Variants in ZNF730 observed in about 807,000 individuals in gnomAD.
ZNF730 encodes putative zinc finger protein 730.
In ZNF730, 12 loss-of-function variants were observed where a neutral mutation model predicts 12.6. That is an observed-to-expected ratio of 0.95 (90% CI 0.61 to 1.54). The LOEUF is 1.54. Ranked by LOEUF, ZNF730 falls within the 40% of genes most tolerant of loss-of-function variation. The probability of loss-of-function intolerance (pLI) is 0.00; values close to 1 mark genes in which losing one functional copy is unlikely to be tolerated. For synonymous variants in ZNF730, 194 were observed against 195.8 expected, an observed-to-expected ratio of 0.99 and a Z score of 0.08; for missense variants, 643 against 583.5, an observed-to-expected ratio of 1.10 and a Z score of -1.05.
intron 1 of ZNF730, among the ~76,000 whole-genome samples, chr19:23,110,956 C>T (rs148795078): frequency 1.8e-4 from 28 of 152,326 alleles, no homozygotes; most frequent in African/African-American, 6.3e-4. Flanking sequence ...CCTCAGTTTT[C>T]AGTGCTGTGC....
At chr19:23,083,504 T>A (rs1970002985) in intron 1 of ZNF730, among the ~76,000 whole-genome samples, 2 of 152,096 alleles carry the variant, frequency 1.3e-5, no homozygotes, top group African/African-American at 4.8e-5. Context: ...TCGAGGAACC[T>A]CCATACTATT....
chr19:23,091,744 C>T (rs1404513510), intron 1 of ZNF730, among the ~76,000 whole-genome samples: 1 of 152,148 alleles, frequency 6.6e-6, no homozygotes, highest in Admixed American at 6.5e-5. Context: ...AATGCCTGTA[C>T]CCCTATTGTA....
intron 1 of ZNF730, among the ~76,000 whole-genome samples, chr19:23,091,937 C>A (rs1405311195): frequency 3.9e-5 from 6 of 151,988 alleles, no homozygotes; most frequent in African/African-American, 9.7e-5. Flanking sequence ...TTTGGAGGGG[C>A]CAGGGGCAGA....
intron 1 of ZNF730, among the ~76,000 whole-genome samples, chr19:23,079,301 G>T (rs1969923320): frequency 6.6e-6 from 1 of 152,066 alleles, no homozygotes; most frequent in Non-Finnish European, 1.5e-5. Flanking sequence ...AGGATTACAG[G>T]CATGCGCCAC....
chr19:23,081,520 A>G lies in ZNF730; in HGVS notation c.-94+6133A>G, dbSNP rs142315744. 9.0e-3 allele frequency among the ~76,000 whole-genome samples: 1,376 copies of G among 152,088 alleles called. 28 individuals are homozygous for G. Among genetic ancestry groups the G allele is most frequent in the African/African-American group, 0.032 (1,322 of 41,486 alleles). On this transcript the variant is annotated intron_variant, in intron 1 of 2. Transcript: ENST00000593635. ...GTTTTAGTAGAGATGGGGTTTCACC[A>G]TGTTGGCCAGGCTGGTCTCAAATTC...
chr19:23,117,831 A>G (rs900756595), intron 1 of ZNF730, among the ~76,000 whole-genome samples: 1 of 152,218 alleles, frequency 6.6e-6, no homozygotes, highest in Non-Finnish European at 1.5e-5. Context: ...TGTTACGCCT[A>G]AATTTTGTTT....
chr19:23,078,529 A>T (rs769224293), intron 1 of ZNF730, among the ~76,000 whole-genome samples: 35 of 151,952 alleles, frequency 2.3e-4, no homozygotes, highest in Non-Finnish European at 4.6e-4. Flanking sequence ...CCCTCTCCCC[A>T]CTATTACCCT....
Position 23,146,705 on chromosome 19 carries a change from A to C in ZNF730, c.*149A>C, listed in dbSNP as rs559533780. 1 of 1,412,276 alleles carries C rather than the reference A, an allele frequency of 7.1e-7. No homozygotes were observed. The highest frequency in any genetic ancestry group is 1.4e-5 in the African/African-American group (1 of 70,954). The allele number at this position is 1,412,276 out of a possible 1,614,324, so 87.5% of individuals were successfully genotyped here. On this transcript the variant is annotated 3_prime_UTR_variant, in exon 4 of 4. Coordinates refer to ENST00000597761, the MANE Select transcript of ZNF730 (RefSeq NM_001277403.2). ...AATCTTACTAAACATAAGGTAATTC[A>C]TACTGGAGAAAAACCTACAAATGTG... is the stretch of plus-strand genomic sequence containing the variant.
chr19:23,111,204 T>G (rs1970457350), intron 1 of ZNF730, among the ~76,000 whole-genome samples: 1 of 152,234 alleles, frequency 6.6e-6, no homozygotes, highest in South Asian at 2.1e-4. Context: ...CAATTTTTTT[T>G]GTCAAGCATA....
chr19:23,146,233 A>C lies in ZNF730; in HGVS notation c.1189A>C (p.Lys397Gln). Residue 397 changes from lysine (K) to glutamine (Q), a missense_variant, in exon 4 of 4, where the codon AAA becomes CAA. Transcript: ENST00000597761. ...AATTCATACTGTAGAGAAATTTTACAAATGTGAAGAATGTGGCAAAGCCTT... is the reference window on the plus strand; with the variant it reads ...AATTCATACTGTAGAGAAATTTTACCAATGTGAAGAATGTGGCAAAGCCTT... ...KIIHTVEKFY[K>Q]CEECGKAFSR... 1 of 1,613,034 alleles carries C rather than the reference A, an allele frequency of 6.2e-7. No individual in the cohort carries two copies. Among genetic ancestry groups the C allele is most frequent in the Non-Finnish European group, 8.5e-7 (1 of 1,179,404 alleles).
In ZNF730 at chr19:23,117,145, A is replaced by C. The variant is rs1444391552; in HGVS notation, c.-29A>C. The C allele has an allele frequency of 1.9e-6, 3 of 1,613,630 alleles. No homozygotes were observed. In the African/African-American group the frequency reaches 4.0e-5, roughly 22 times the overall value. On this transcript the variant is annotated 5_prime_UTR_variant, in exon 1 of 4. Transcript: ENST00000597761. ...GCGGGTATTGGGAGATCCACAGCTA[A>C]GACGCCAGGGCCCCCTGGAAGCCTA...
At chr19:23,116,861 C>T (rs952076242), upstream of ZNF730, 4 of 326,838 alleles carry the variant, frequency 1.2e-5, no homozygotes, top group African/African-American at 6.5e-5. Context: ...AAGGCTGCAG[C>T]CTACGCTGTC....
chr19:23,094,710 G>GT, intron 1 of ZNF730, among the ~76,000 whole-genome samples: 1 of 152,180 alleles, frequency 6.6e-6, no homozygotes, highest in Non-Finnish European at 1.5e-5. Flanking sequence ...CTGACCTCAG[G>GT]TGATCCACCC....
At chr19:23,136,147 G>T in intron 3 of ZNF730, 104 bp downstream of exon 3, 2 of 794,116 alleles carry the variant, frequency 2.5e-6, no homozygotes, top group Admixed American at 3.9e-5. Flanking sequence ...GTTTTACAAA[G>T]GAAATAGTTT....
intron 1 of ZNF730, among the ~76,000 whole-genome samples, chr19:23,087,213 G>A (rs1407576071): frequency 1.3e-5 from 2 of 152,118 alleles, no homozygotes; most frequent in Admixed American, 6.6e-5. Flanking sequence ...TTCGAGACCA[G>A]CCTGGCCAAC....
At chr19:23,132,174 C>T (rs1970751728) in intron 1 of ZNF730, among the ~76,000 whole-genome samples, 2 of 151,574 alleles carry the variant, frequency 1.3e-5, no homozygotes. Flanking sequence ...CTGTATTGGT[C>T]CTTCTACCTA....
intron 1 of ZNF730, among the ~76,000 whole-genome samples, chr19:23,081,036 G>A (rs527306422): frequency 4.5e-4 from 68 of 151,600 alleles, no homozygotes; most frequent in African/African-American, 1.6e-3. Flanking sequence ...CGTAGATACA[G>A]TGTTTCGCCA....
At chr19:23,119,624 T>C (rs1038475455) in intron 1 of ZNF730, among the ~76,000 whole-genome samples, 2 of 152,098 alleles carry the variant, frequency 1.3e-5, no homozygotes, top group Non-Finnish European at 2.9e-5. Flanking sequence ...GGAGATGATC[T>C]TGGCCAACAT....
At chr19:23,089,820 T>C (rs1377694135) in intron 1 of ZNF730, among the ~76,000 whole-genome samples, 1 of 152,164 alleles carries the variant, frequency 6.6e-6, no homozygotes, top group African/African-American at 2.4e-5. Flanking sequence ...ATTTTGGAAC[T>C]GAGTAACAGG....
Sources: allele counts gnomAD v4.1 joint callset (sites outside exome capture counted in the v4.1 genomes callset), GRCh38; gene constraint gnomAD v4.1.1; transcripts MANE v1.5; gene names NCBI Gene and HGNC (gene_info 2026-07-23, HGNC 2026-07-21).